Variants in MBOAT1 observed in about 807,000 individuals in gnomAD.
MBOAT1 encodes the protein membrane-bound glycerophospholipid O-acyltransferase 1.
A neutral mutation model predicts 64.4 loss-of-function variants in MBOAT1; 67 were observed. The observed-to-expected ratio is 1.04, with a 90% CI of 0.85 to 1.27. MBOAT1 has a LOEUF of 1.27. MBOAT1 is among the 50% of genes most tolerant of loss of function. The pLI, the probability that MBOAT1 is intolerant of heterozygous loss-of-function variation, is 0.00. For synonymous variants in MBOAT1, 229 were observed against 218.9 expected, an observed-to-expected ratio of 1.05 and a Z score of -0.41; for missense variants, 563 against 604.6, an observed-to-expected ratio of 0.93 and a Z score of 0.72.
chr6:20,201,377 G>A lies in MBOAT1; in HGVS notation c.99+10759C>T, dbSNP rs569021137. 2.2e-4 allele frequency among the ~76,000 whole-genome samples: 34 copies of A among 152,178 alleles called. 1 individual carries two copies. Among genetic ancestry groups the A allele is most frequent in the African/African-American group, 7.9e-4 (33 of 41,554 alleles). The stretch of plus-strand genomic sequence containing the variant: ...AAGGGAGGGAGGGAGGGAACCATAC[G>A]CTATCACTTATGTCAGAAAATAAGA... On this transcript the variant is annotated intron_variant, in intron 1 of 12. Transcript: ENST00000324607.
chr6:20,109,064 G>A (rs1238992160), intron 12 of MBOAT1, among the ~76,000 whole-genome samples: 1 of 152,132 alleles, frequency 6.6e-6, no homozygotes, highest in Non-Finnish European at 1.5e-5. Context: ...TCTGTGGTGC[G>A]AGCCTCCTCC....
intron 1 of MBOAT1, among the ~76,000 whole-genome samples, chr6:20,182,761 C>T (rs554545159): frequency 7.9e-5 from 12 of 152,310 alleles, no homozygotes; most frequent in African/African-American, 2.9e-4. Context: ...GCAGGAGCTC[C>T]TCCCTTAACT....
intron 1 of MBOAT1, among the ~76,000 whole-genome samples, chr6:20,155,304 T>C (rs980740159): frequency 6.6e-6 from 1 of 152,328 alleles, no homozygotes; most frequent in South Asian, 2.1e-4. Flanking sequence ...CCAGTTGATT[T>C]TGATGCACAC....
At chr6:20,193,581 A>G (rs1762869253) in intron 1 of MBOAT1, among the ~76,000 whole-genome samples, 1 of 151,738 alleles carries the variant, frequency 6.6e-6, no homozygotes, top group Non-Finnish European at 1.5e-5. Flanking sequence ...AGGAGCCTAA[A>G]GAGTCAAGAG....
intron 8 of MBOAT1, 45 bp downstream of exon 8, chr6:20,124,363 T>G (rs1366113890): frequency 6.3e-7 from 1 of 1,576,506 alleles, no homozygotes; most frequent in Non-Finnish European, 8.6e-7. Context: ...ATTCAAGCAG[T>G]AGCATTTTTC....
chr6:20,133,630 T>C (rs1025709911), intron 4 of MBOAT1, among the ~76,000 whole-genome samples: 2 of 152,228 alleles, frequency 1.3e-5, no homozygotes, highest in Non-Finnish European at 2.9e-5. Flanking sequence ...GTGCCAACCA[T>C]GCTATTTGCA....
chr6:20,142,318 G>A (rs1027599809), intron 4 of MBOAT1, among the ~76,000 whole-genome samples: 1 of 152,126 alleles, frequency 6.6e-6, no homozygotes, highest in African/African-American at 2.4e-5. Context: ...CCAAAACAGT[G>A]GTTTGTTGAT....
At chr6:20,125,094 G>A (rs1172421018) in intron 7 of MBOAT1, among the ~76,000 whole-genome samples, 2 of 152,120 alleles carry the variant, frequency 1.3e-5, no homozygotes, top group Non-Finnish European at 2.9e-5. Context: ...GGCAGGTAAT[G>A]GGGAGCTCTA....
intron 1 of MBOAT1, among the ~76,000 whole-genome samples, chr6:20,198,611 T>C (rs1234335932): frequency 6.6e-6 from 1 of 152,240 alleles, no homozygotes; most frequent in African/African-American, 2.4e-5. Flanking sequence ...TAGTTGTTCT[T>C]GTGACCATTT....
intron 4 of MBOAT1, among the ~76,000 whole-genome samples, chr6:20,140,685 C>G (rs1197458547): frequency 1.3e-5 from 2 of 152,158 alleles, no homozygotes; most frequent in Non-Finnish European, 2.9e-5. Flanking sequence ...TGAATCATAC[C>G]ACCAGCTTTT....
At chr6:20,179,332 G>A (rs115634996) in intron 1 of MBOAT1, among the ~76,000 whole-genome samples, 4,679 of 152,190 alleles carry the variant, frequency 0.031, 245 homozygotes, top group African/African-American at 0.11. Flanking sequence ...AAGCCCCATT[G>A]TGTGCTGTTC....
intron 11 of MBOAT1, among the ~76,000 whole-genome samples, chr6:20,109,972 C>A (rs1444589940): frequency 7.0e-6 from 1 of 141,968 alleles, no homozygotes; most frequent in South Asian, 2.3e-4. Flanking sequence ...TGCAGTGGCG[C>A]AATCTCAGCT....
chr6:20,203,380 A>G lies in MBOAT1; in HGVS notation c.99+8756T>C, dbSNP rs542065077. On this transcript the variant is annotated intron_variant, in intron 1 of 12. Coordinates refer to ENST00000324607, the MANE Select transcript of MBOAT1 (RefSeq NM_001080480.3). ...CACACAATGAAAATGGGAATAGAGT[A>G]TGTCATCTTTAAATAACTCAAGATA... Among the ~76,000 whole-genome samples, 5 of 152,362 alleles carry G rather than the reference A, an allele frequency of 3.3e-5. No homozygotes were observed. In the East Asian group the frequency reaches 9.6e-4, roughly 29 times the overall value.
chr6:20,179,808 T>C (rs1469936464), intron 1 of MBOAT1, among the ~76,000 whole-genome samples: 1 of 152,208 alleles, frequency 6.6e-6, no homozygotes, highest in East Asian at 1.9e-4. Context: ...TTCTCCACAA[T>C]CTTGCCAGCA....
chr6:20,211,969 A>AAC (rs57852903), intron 1 of MBOAT1, 167 bp downstream of exon 1: 55,720 of 441,524 alleles, frequency 0.13, 274 homozygotes, highest in East Asian at 0.21. Flanking sequence ...AAGAAGGGAA[A>AAC]ACACACACAC....
At chr6:20,168,514 A>G (rs1249118908) in intron 1 of MBOAT1, among the ~76,000 whole-genome samples, 1 of 139,100 alleles carries the variant, frequency 7.2e-6, no homozygotes, top group Non-Finnish European at 1.6e-5. Flanking sequence ...AGAGGAGAGG[A>G]GAGGAGAGGA....
intron 5 of MBOAT1, 25 bp downstream of exon 5, chr6:20,131,119 C>T: frequency 6.2e-7 from 1 of 1,608,286 alleles, no homozygotes; most frequent in South Asian, 1.1e-5. Flanking sequence ...ACTCTGAGAA[C>T]CAAAAGGAGG....
chr6:20,122,495 A>C (rs1284825634), intron 8 of MBOAT1, among the ~76,000 whole-genome samples: 6 of 152,322 alleles, frequency 3.9e-5, no homozygotes, highest in Non-Finnish European at 7.4e-5. Context: ...AAACTCCTCA[A>C]ATTAAATTGA....
intron 1 of MBOAT1, 161 bp downstream of exon 1, chr6:20,211,969 AACACAC>A (rs57852903): frequency 0.012 from 5,422 of 456,790 alleles, 141 homozygotes; most frequent in African/African-American, 0.082. Flanking sequence ...AAGAAGGGAA[AACACAC>A]ACACACACAC....
Sources: allele counts gnomAD v4.1 joint callset (sites outside exome capture counted in the v4.1 genomes callset), GRCh38; gene constraint gnomAD v4.1.1; transcripts MANE v1.5; gene names NCBI Gene and HGNC (gene_info 2026-07-23, HGNC 2026-07-21).